Variants in CHST11 observed in about 807,000 individuals in gnomAD.
CHST11 encodes C4S-1.
A neutral mutation model predicts 30.4 loss-of-function variants in CHST11; 9 were observed. That is an observed-to-expected ratio of 0.30 (90% CI 0.18 to 0.52). The LOEUF is 0.52. Among genes scored for constraint, CHST11 ranks in the 20% least tolerant of loss-of-function variants. The pLI is 0.97. For missense variants in CHST11, 348 were observed against 460.6 expected, an observed-to-expected ratio of 0.76 and a Z score of 2.24; for synonymous variants, 152 against 187.8, an observed-to-expected ratio of 0.81 and a Z score of 1.56.
At chr12:104,491,319 A>G (rs1261763806) in intron 1 of CHST11, among the ~76,000 whole-genome samples, 1 of 152,150 alleles carries the variant, frequency 6.6e-6, no homozygotes, top group Non-Finnish European at 1.5e-5. Context: ...GGACAGGATA[A>G]TTTAGCAAGA....
intron 1 of CHST11, among the ~76,000 whole-genome samples, chr12:104,551,130 A>G (rs776421602): frequency 2.6e-5 from 4 of 152,214 alleles, no homozygotes; most frequent in East Asian, 1.9e-4. Context: ...TCACTTGCAT[A>G]TCCTCCCAGA....
intron 1 of CHST11, among the ~76,000 whole-genome samples, chr12:104,564,147 G>A (rs550942102): frequency 1.3e-5 from 2 of 152,284 alleles, no homozygotes; most frequent in African/African-American, 4.8e-5. Flanking sequence ...CCCCCAGAGT[G>A]GGCTGAGACC....
intron 1 of CHST11, among the ~76,000 whole-genome samples, chr12:104,575,796 G>A (rs147586578): frequency 4.6e-5 from 7 of 152,192 alleles, no homozygotes; most frequent in East Asian, 3.9e-4. Context: ...AGAAGGGCCC[G>A]TCCTGCCCTT....
At chr12:104,633,569 C>G (rs2039293931) in intron 2 of CHST11, among the ~76,000 whole-genome samples, 1 of 151,860 alleles carries the variant, frequency 6.6e-6, no homozygotes, top group South Asian at 2.1e-4. Flanking sequence ...TGCCCGCCAC[C>G]ACACTCGGCT....
At chr12:104,665,770 T>C (rs1592826233) in intron 2 of CHST11, among the ~76,000 whole-genome samples, 1 of 128,048 alleles carries the variant, frequency 7.8e-6, no homozygotes, top group African/African-American at 2.8e-5. Context: ...GGGGTGGGGG[T>C]CTTTCTTTTT....
intron 2 of CHST11, among the ~76,000 whole-genome samples, chr12:104,675,133 G>T (rs888778431): frequency 2.0e-5 from 3 of 152,136 alleles, no homozygotes; most frequent in Non-Finnish European, 4.4e-5. Flanking sequence ...ACTCTAAGCA[G>T]TTACATATAT....
intron 1 of CHST11, among the ~76,000 whole-genome samples, chr12:104,593,144 A>C (rs909586493): frequency 1.4e-5 from 2 of 138,320 alleles, no homozygotes; most frequent in Non-Finnish European, 3.2e-5. Context: ...AATTCACTTT[A>C]GTTCTACAAC....
At chr12:104,622,616 C>T (rs1318063200) in intron 2 of CHST11, among the ~76,000 whole-genome samples, 3 of 152,240 alleles carry the variant, frequency 2.0e-5, no homozygotes, top group African/African-American at 7.2e-5. Context: ...ACCTGAACGT[C>T]GAGCCTAGAG....
chr12:104,653,051 G>A (rs911227625), intron 2 of CHST11, among the ~76,000 whole-genome samples: 6 of 152,082 alleles, frequency 3.9e-5, no homozygotes, highest in Non-Finnish European at 7.4e-5. Context: ...GTACAGTTCT[G>A]TAGAGCTCAG....
At chr12:104,653,220 A>G (rs2039511292) in intron 2 of CHST11, among the ~76,000 whole-genome samples, 1 of 152,042 alleles carries the variant, frequency 6.6e-6, no homozygotes, top group Admixed American at 6.6e-5. Context: ...GCTTTTAGAT[A>G]CCTCATATAA....
chr12:104,658,472 A>T (rs12300231), intron 2 of CHST11, among the ~76,000 whole-genome samples: 2 of 151,954 alleles, frequency 1.3e-5, no homozygotes, highest in African/African-American at 4.8e-5. Context: ...CTGTGCAGAC[A>T]CTATCTCCAA....
chr12:104,588,109 A>ATGTAAAATTCACCCACTTTAAG lies in CHST11; in HGVS notation c.119-13792_119-13771dup, dbSNP rs558121143. ...ACAGTTTTATTGAAATACTATTTAC[A>ATGTAAAATTCACCCACTTTAAG]TGTAAAATTCACCCACTTTAAGTGT... On this transcript the variant is annotated intron_variant, in intron 1 of 2. Transcript: ENST00000303694. Among the ~76,000 whole-genome samples, 929 of 152,282 alleles carry ATGTAAAATTCACCCACTTTAAG rather than the reference A, an allele frequency of 6.1e-3. 3 individuals are homozygous for ATGTAAAATTCACCCACTTTAAG. The highest frequency in any genetic ancestry group is 0.01 in the Non-Finnish European group (689 of 68,012).
At chr12:104,720,831 G>A (rs1055658654) in intron 2 of CHST11, among the ~76,000 whole-genome samples, 2 of 152,076 alleles carry the variant, frequency 1.3e-5, no homozygotes, top group African/African-American at 2.4e-5. Context: ...TGGACCAGTC[G>A]CTGCTGCTTT....
chr12:104,544,115 C>G (rs1363091996), intron 1 of CHST11, among the ~76,000 whole-genome samples: 1 of 108,034 alleles, frequency 9.3e-6, no homozygotes, highest in African/African-American at 4.0e-5. Flanking sequence ...CAGAGAGAGA[C>G]CCTGTCTGTT....
chr12:104,689,502 T>C lies in CHST11; in HGVS notation c.205-67447T>C, dbSNP rs1592840323. ...TCCTTTTGAATTCTCTTTCATGCAT[T>C]CATTCAGCAACCTTGTATCATGCAC... is the stretch of plus-strand genomic sequence containing the variant. On this transcript the variant is annotated intron_variant, in intron 2 of 2. Transcript: ENST00000303694. 2.0e-5 allele frequency among the ~76,000 whole-genome samples: 3 copies of C among 152,330 alleles called. No homozygotes were observed. In the East Asian group the frequency reaches 5.8e-4, roughly 29 times the overall value.
chr12:104,684,816 T>C (rs2039831716), intron 2 of CHST11, among the ~76,000 whole-genome samples: 1 of 152,192 alleles, frequency 6.6e-6, no homozygotes, highest in Non-Finnish European at 1.5e-5. Context: ...CCCAAAGTGC[T>C]GGGATTACAG....
At chr12:104,493,249 C>T (rs959789311) in intron 1 of CHST11, among the ~76,000 whole-genome samples, 4 of 152,216 alleles carry the variant, frequency 2.6e-5, no homozygotes, top group South Asian at 2.1e-4. Context: ...AGGCAGGAGC[C>T]GCTGATCCTA....
chr12:104,651,781 A>G (rs1035054446), intron 2 of CHST11, among the ~76,000 whole-genome samples: 4 of 152,096 alleles, frequency 2.6e-5, no homozygotes, highest in African/African-American at 9.7e-5. Context: ...CCTGCTTTCT[A>G]CTGCCTCTTG....
intron 2 of CHST11, among the ~76,000 whole-genome samples, chr12:104,636,461 A>C (rs1390152189): frequency 1.3e-5 from 2 of 152,198 alleles, no homozygotes. Flanking sequence ...AGCTCCTGTA[A>C]AAGTCCTTGG....
Sources: gnomAD v4.1 joint callset for allele counts (sites outside exome capture counted in the v4.1 genomes callset) on GRCh38, gnomAD v4.1.1 for gene constraint, MANE v1.5 for transcripts, NCBI Gene and HGNC (gene_info 2026-07-23, HGNC 2026-07-21) for gene names.